The following APP variants were observed in gnomAD, a reference collection of about 807,000 sequenced individuals.
APP encodes amyloid-beta precursor protein.
A neutral mutation model predicts 101.4 loss-of-function variants in APP; 31 were observed. The observed-to-expected ratio is 0.31, with a 90% CI of 0.23 to 0.41. The LOEUF (loss-of-function observed/expected upper bound fraction) is 0.41. Ranked by LOEUF, APP falls within the 10% of genes least tolerant of loss-of-function variation. The probability of loss-of-function intolerance (pLI) is 1.00; values close to 1 mark genes in which losing one functional copy is unlikely to be tolerated. For missense variants in APP, 839 were observed against 1,003.7 expected, an observed-to-expected ratio of 0.84 and a Z score of 2.22; for synonymous variants, 366 against 364.4, an observed-to-expected ratio of 1.00 and a Z score of -0.05.
intron 3 of APP, among the ~76,000 whole-genome samples, chr21:26,087,976 T>C (rs916249399): frequency 6.6e-6 from 1 of 152,226 alleles, no homozygotes; most frequent in Non-Finnish European, 1.5e-5. Flanking sequence ...CTTGTTGTAC[T>C]GTTCGTTCAC....
Position 25,993,431 on chromosome 21 carries a change from T to C in APP, c.1090+3929A>G, listed in dbSNP as rs1348073418. On this transcript the variant is annotated intron_variant, in intron 8 of 17. Transcript: ENST00000346798. ...ACAGAGAGGAGAAAGGGGTGGTGCA[T>C]AGGTGAACCAATGACTTCAAACTAA... Among the ~76,000 whole-genome samples, 7 of 152,266 alleles carry C rather than the reference T, an allele frequency of 4.6e-5. No individual in the cohort carries two copies. The East Asian group carries it at 7.7e-4, about 17-fold the overall frequency.
At chr21:26,106,218 CAA>C (rs942499464) in intron 2 of APP, among the ~76,000 whole-genome samples, 5 of 152,116 alleles carry the variant, frequency 3.3e-5, no homozygotes, top group African/African-American at 1.2e-4. Flanking sequence ...TAAGCAGAAA[CAA>C]AAGAGACCCT....
intron 8 of APP, among the ~76,000 whole-genome samples, chr21:25,985,686 T>C (rs1016653347): frequency 2.6e-5 from 4 of 152,140 alleles, no homozygotes; most frequent in Non-Finnish European, 5.9e-5. Context: ...TACATATATA[T>C]CCTATTGGTC....
chr21:25,912,750 T>C (rs1366727637), intron 13 of APP, among the ~76,000 whole-genome samples: 1 of 152,202 alleles, frequency 6.6e-6, no homozygotes, highest in African/African-American at 2.4e-5. Context: ...CTTTAAAAAT[T>C]GATTAAACAA....
intron 15 of APP, among the ~76,000 whole-genome samples, chr21:25,899,416 T>C (rs998676915): frequency 6.6e-6 from 1 of 152,212 alleles, no homozygotes; most frequent in Non-Finnish European, 1.5e-5. Flanking sequence ...CAGAGCATGA[T>C]AGAAGTGATG....
intron 9 of APP, among the ~76,000 whole-genome samples, chr21:25,981,112 T>G (rs1038888558): frequency 6.6e-6 from 1 of 152,134 alleles, no homozygotes; most frequent in African/African-American, 2.4e-5. Flanking sequence ...ATTGACTGGT[T>G]TGCATGGGAA....
At chr21:25,997,297 G>A in intron 8 of APP, 63 bp downstream of exon 8, 1 of 1,454,874 alleles carries the variant, frequency 6.9e-7, no homozygotes, top group Admixed American at 1.7e-5. Flanking sequence ...TGATGCTGGA[G>A]TTATGTGAAC....
At chr21:26,028,884 G>T (rs527865632) in intron 5 of APP, among the ~76,000 whole-genome samples, 22 of 152,132 alleles carry the variant, frequency 1.4e-4, no homozygotes, top group African/African-American at 5.3e-4. Flanking sequence ...GGGGCTAATT[G>T]CTAATGAATG....
chr21:25,976,045 C>T lies in APP; in HGVS notation c.1225-17G>A. The T allele has an allele frequency of 6.3e-7, 1 of 1,596,578 alleles. No homozygotes were observed. Among genetic ancestry groups the T allele is most frequent in the Non-Finnish European group, 8.6e-7 (1 of 1,164,348 alleles). On this transcript the variant is annotated splice_polypyrimidine_tract_variant and intron_variant, in intron 9 of 17. Coordinates refer to ENST00000346798, the MANE Select transcript of APP (RefSeq NM_000484.4). ...TCTCATGACCTATAAATTAAGGAAA[C>T]ATTTGAATTTAAAATCATCAGTTCA...
At chr21:25,983,936 T>A (rs907346805) in intron 8 of APP, among the ~76,000 whole-genome samples, 2 of 152,168 alleles carry the variant, frequency 1.3e-5, no homozygotes, top group Non-Finnish European at 2.9e-5. Context: ...CTTTTTCAGA[T>A]CAGCTGTGAC....
chr21:26,103,680 T>C (rs1246900761), intron 2 of APP, among the ~76,000 whole-genome samples: 2 of 152,212 alleles, frequency 1.3e-5, no homozygotes, highest in Non-Finnish European at 2.9e-5. Flanking sequence ...CTCCATTTTA[T>C]GGGAAGCTCT....
At chr21:26,100,916 G>A (rs527281770) in intron 2 of APP, among the ~76,000 whole-genome samples, 56 of 152,224 alleles carry the variant, frequency 3.7e-4, no homozygotes, top group African/African-American at 1.3e-3. Flanking sequence ...GCCTGCATTT[G>A]AGGCTTAACC....
At chr21:26,000,698 T>C (rs944696143) in intron 6 of APP, among the ~76,000 whole-genome samples, 4 of 152,176 alleles carry the variant, frequency 2.6e-5, no homozygotes, top group African/African-American at 9.6e-5. Flanking sequence ...TGTCTGTCCA[T>C]TGACTTTATC....
intron 1 of APP, among the ~76,000 whole-genome samples, chr21:26,136,702 CA>C (rs1214535811): frequency 6.6e-6 from 1 of 151,648 alleles, no homozygotes; most frequent in Non-Finnish European, 1.5e-5. Context: ...GAGCAACTTA[CA>C]AGGCAGACAC....
intron 14 of APP, among the ~76,000 whole-genome samples, chr21:25,908,843 G>A (rs181762079): frequency 9.8e-5 from 15 of 152,324 alleles, no homozygotes; most frequent in Non-Finnish European, 1.9e-4. Flanking sequence ...AGCCAGAGAG[G>A]CTAAGTAACT....
intron 13 of APP, among the ~76,000 whole-genome samples, chr21:25,952,904 A>G (rs1157563241): frequency 2.0e-5 from 3 of 152,206 alleles, no homozygotes; most frequent in African/African-American, 4.8e-5. Flanking sequence ...ACTGATGTCT[A>G]TTCTCCAAGT....
chr21:25,994,176 C>A (rs2042969241), intron 8 of APP, among the ~76,000 whole-genome samples: 1 of 152,260 alleles, frequency 6.6e-6, no homozygotes, highest in African/African-American at 2.4e-5. Context: ...AATGAATCCA[C>A]AAATATTTAT....
intron 11 of APP, among the ~76,000 whole-genome samples, chr21:25,971,289 G>A (rs371418924): frequency 2.6e-5 from 4 of 151,974 alleles, no homozygotes; most frequent in Non-Finnish European, 5.9e-5. Flanking sequence ...CTCGTGATCC[G>A]CCCGCCTTGG....
intron 3 of APP, among the ~76,000 whole-genome samples, chr21:26,061,815 G>A (rs908598074): frequency 2.0e-5 from 3 of 152,150 alleles, no homozygotes; most frequent in African/African-American, 4.8e-5. Context: ...CAAAAGAAGT[G>A]AAAACTAAAA....
Sources: gnomAD v4.1 joint callset for allele counts (sites outside exome capture counted in the v4.1 genomes callset) on GRCh38, gnomAD v4.1.1 for gene constraint, MANE v1.5 for transcripts, NCBI Gene and HGNC (gene_info 2026-07-23, HGNC 2026-07-21) for gene names.